The following EGFLAM variants were observed in gnomAD, a reference collection of about 807,000 sequenced individuals.
EGFLAM encodes the protein EGF like, fibronectin type III and laminin G domains.
A neutral mutation model predicts 113.1 loss-of-function variants in EGFLAM; 79 were observed. The observed-to-expected ratio is 0.70, with a 90% CI of 0.58 to 0.84. The LOEUF (loss-of-function observed/expected upper bound fraction) is 0.84, where lower values mean the gene tolerates loss of function less well. EGFLAM is among the 40% of genes least tolerant of loss of function. The pLI, the probability that EGFLAM is intolerant of heterozygous loss-of-function variation, is 0.00. For synonymous variants in EGFLAM, 504 were observed against 487.6 expected (o/e 1.03, Z -0.44); for missense variants, 1,265 against 1,291.6 (o/e 0.98, Z 0.32).
At chr5:38,384,829 G>A (rs985583384) in intron 6 of EGFLAM, among the ~76,000 whole-genome samples, 4 of 152,060 alleles carry the variant, frequency 2.6e-5, no homozygotes, top group Non-Finnish European at 5.9e-5. Flanking sequence ...GGGCACAATA[G>A]AGTGGTAGAT....
In EGFLAM at chr5:38,418,108, G is replaced by C. The variant is rs761758755; in HGVS notation, c.1537G>C (p.Gly513Arg). The change falls in exon 12 of 22, where the codon GGT becomes CGT. Residue 513 changes from glycine (G) to arginine (R), a missense_variant. Gly to Arg is a moderately radical substitution (Grantham distance 125). Coordinates refer to ENST00000322350, the MANE Select transcript of EGFLAM (RefSeq NM_152403.4). ...TACTTTCCGGACACCTCTCTATCTT[G>C]GTGGCGCTCCCAGCGCTTACTGGTT... ...KITFRTPLYL[G>R]GAPSAYWLVR... 1 of 1,614,136 alleles carries C rather than the reference G, an allele frequency of 6.2e-7. No homozygotes were observed. The highest frequency in any genetic ancestry group is 8.5e-7 in the Non-Finnish European group (1 of 1,180,006).
In EGFLAM at chr5:38,452,919, G is replaced by T. The variant is rs116590463; in HGVS notation, c.2687+1461G>T. ...CTCCCCACTCTTCTTACCAGATTGG[G>T]TGAAAGCTGAGCTTCCAAGGGGCAG... is the stretch of plus-strand genomic sequence containing the variant. On this transcript the variant is annotated intron_variant, in intron 19 of 21. Transcript: ENST00000322350. 8.8e-3 allele frequency among the ~76,000 whole-genome samples: 1,333 copies of T among 152,298 alleles called. 14 individuals carry two copies. The highest frequency in any genetic ancestry group is 0.031 in the African/African-American group (1,280 of 41,568).
chr5:38,352,251 T>C lies in EGFLAM; in HGVS notation c.465T>C (p.Asp155=). 6 of 1,614,160 alleles carry C rather than the reference T, an allele frequency of 3.7e-6. No homozygotes were observed. The highest frequency in any genetic ancestry group is 5.1e-6 in the Non-Finnish European group (6 of 1,180,008). ...PQQPHVIVVS[D]SEVALSWKPG... ...AGCCACATGTCATTGTGGTTTCGGA[T>C]TCTGAGGTGGCCCTGTCTTGGAAAC... Residue 155 remains aspartate (D), a synonymous_variant, in exon 5 of 22, where the codon GAT becomes GAC. Coordinates refer to ENST00000322350, the MANE Select transcript of EGFLAM (RefSeq NM_152403.4).
At chr5:38,408,434 C>T (rs1297013280) in intron 9 of EGFLAM, among the ~76,000 whole-genome samples, 1 of 152,174 alleles carries the variant, frequency 6.6e-6, no homozygotes, top group Non-Finnish European at 1.5e-5. Flanking sequence ...TTTTGGGTAT[C>T]TCCAATGATA....
chr5:38,311,145 A>G (rs945813415), intron 1 of EGFLAM, among the ~76,000 whole-genome samples: 3 of 152,176 alleles, frequency 2.0e-5, no homozygotes, highest in African/African-American at 7.2e-5. Flanking sequence ...GTTATGAAAT[A>G]TGCAGCCATT....
rs2112125971 is a variant in EGFLAM, at chr5:38,406,238, G to A, written c.825G>A (p.Glu275=). 1 of 1,613,738 alleles carries A rather than the reference G, an allele frequency of 6.2e-7. No individual in the cohort carries two copies. Residue 275 remains glutamate, a synonymous_variant, in exon 7 of 22, where the codon GAG becomes GAA. Transcript: ENST00000322350. ...ACTTAGATTTGGATATTTCCTTTGA[G>A]GAGGTAACAATAATCTCTGCTCTTA... ...EDDLDLDISF[E]EVKPLPATKG...
chr5:38,446,233 CTGCCGCTGTATCCT>C (rs1742707542), intron 17 of EGFLAM, among the ~76,000 whole-genome samples: 1 of 152,130 alleles, frequency 6.6e-6, no homozygotes, highest in African/African-American at 2.4e-5. Context: ...TTGCAGTTCC[CTGCCGCTGTATCCT>C]CCTTCTCCCT....
chr5:38,406,388 G>A, intron 7 of EGFLAM, 147 bp downstream of exon 7: 2 of 706,020 alleles, frequency 2.8e-6, no homozygotes, highest in Non-Finnish European at 4.8e-6. Flanking sequence ...CTGATGATCA[G>A]TCTCCAGGTG....
At chr5:38,277,135 C>A (rs1361016807) in intron 1 of EGFLAM, among the ~76,000 whole-genome samples, 1 of 152,100 alleles carries the variant, frequency 6.6e-6, no homozygotes, top group Non-Finnish European at 1.5e-5. Flanking sequence ...AGGCCAATAT[C>A]CCCAGCAAAC....
intron 3 of EGFLAM, among the ~76,000 whole-genome samples, chr5:38,342,538 G>T (rs1739362459): frequency 6.6e-6 from 1 of 152,228 alleles, no homozygotes; most frequent in South Asian, 2.1e-4. Context: ...GGCTGATAAT[G>T]TGGAGTTGGG....
chr5:38,275,391 T>C (rs1367164767), intron 1 of EGFLAM, among the ~76,000 whole-genome samples: 1 of 152,074 alleles, frequency 6.6e-6, no homozygotes, highest in East Asian at 1.9e-4. Context: ...TCTGTGCAAA[T>C]GGAAACCAAA....
At chr5:38,437,922 G>A (rs944088575) in intron 16 of EGFLAM, among the ~76,000 whole-genome samples, 8 of 152,150 alleles carry the variant, frequency 5.3e-5, no homozygotes, top group East Asian at 1.9e-4. Context: ...TCAGGAGTTC[G>A]AGACCAGCCT....
At chr5:38,285,623 C>T (rs775906960) in intron 1 of EGFLAM, 1 of 152,230 alleles carries the variant, frequency 6.6e-6, no homozygotes, top group Non-Finnish European at 1.5e-5. Flanking sequence ...AGTCCATTCT[C>T]ACACTGCTAT....
intron 5 of EGFLAM, among the ~76,000 whole-genome samples, chr5:38,367,886 A>G (rs1216645484): frequency 6.6e-6 from 1 of 152,244 alleles, no homozygotes; most frequent in African/African-American, 2.4e-5. Flanking sequence ...TTCAATCTGC[A>G]TGAGCTTGTC....
intron 17 of EGFLAM, among the ~76,000 whole-genome samples, chr5:38,443,220 C>G (rs2961878): frequency 0.18 from 26,930 of 152,138 alleles, 2,711 homozygotes; most frequent in African/African-American, 0.28. Flanking sequence ...AAGCCGAGAT[C>G]GTGCCACTGC....
chr5:38,296,478 T>C (rs546631659), intron 1 of EGFLAM, among the ~76,000 whole-genome samples: 45 of 152,172 alleles, frequency 3.0e-4, no homozygotes, highest in Non-Finnish European at 5.3e-4. Flanking sequence ...AGAATGGCAT[T>C]TTCTTTACAG....
chr5:38,291,874 G>A (rs10052389), intron 1 of EGFLAM, among the ~76,000 whole-genome samples: 6,125 of 152,294 alleles, frequency 0.04, 426 homozygotes, highest in African/African-American at 0.14. Flanking sequence ...GCTCTTCCTC[G>A]CTTACATGTT....
chr5:38,334,973 CT>C (rs1739146585), intron 1 of EGFLAM, among the ~76,000 whole-genome samples: 1 of 152,130 alleles, frequency 6.6e-6, no homozygotes, highest in South Asian at 2.1e-4. Context: ...GGGAGTACTA[CT>C]GTCATTTAGT....
At chr5:38,421,271 C>T (rs1292699434) in intron 12 of EGFLAM, among the ~76,000 whole-genome samples, 2 of 152,214 alleles carry the variant, frequency 1.3e-5, no homozygotes, top group African/African-American at 4.8e-5. Context: ...CTGCAAGTCA[C>T]ATTCTAGAAT....
Sources: allele counts gnomAD v4.1 joint callset (sites outside exome capture counted in the v4.1 genomes callset), GRCh38; gene constraint gnomAD v4.1.1; transcripts MANE v1.5; gene names NCBI Gene and HGNC (gene_info 2026-07-23, HGNC 2026-07-21).